Variants in SNX8 observed in about 807,000 individuals in gnomAD.
The protein encoded by SNX8 is sorting nexin-8.
SNX8 carries 25 observed loss-of-function variants against 51.6 expected under a neutral mutation model. The observed-to-expected ratio is 0.48, with a 90% CI of 0.35 to 0.68. SNX8 has a LOEUF of 0.68. SNX8 is among the 30% of genes least tolerant of loss of function. SNX8 has a pLI of 0.00. For synonymous variants in SNX8, 324 were observed against 277.0 expected (o/e 1.17, Z -1.68); for missense variants, 695 against 624.0 (o/e 1.11, Z -1.21).
intron 1 of SNX8, among the ~76,000 whole-genome samples, chr7:2,293,233 G>A (rs1401575925): frequency 6.8e-6 from 1 of 147,626 alleles, no homozygotes; most frequent in African/African-American, 2.5e-5. Flanking sequence ...ACCCACCTCG[G>A]CCTCCCAAAG....
chr7:2,298,154 G>A (rs1796313575), intron 1 of SNX8, among the ~76,000 whole-genome samples: 1 of 151,946 alleles, frequency 6.6e-6, no homozygotes, highest in Non-Finnish European at 1.5e-5. Flanking sequence ...TGTCGTGCAG[G>A]CTGGAGTACA....
At chr7:2,330,449 C>T (rs1440337723) in intron 1 of SNX8, among the ~76,000 whole-genome samples, 3 of 152,000 alleles carry the variant, frequency 2.0e-5, no homozygotes, top group African/African-American at 7.3e-5. Flanking sequence ...TTTGCAATAT[C>T]CTTTCTAATA....
intron 1 of SNX8, among the ~76,000 whole-genome samples, chr7:2,300,293 T>C (rs780223741): frequency 7.2e-5 from 11 of 152,326 alleles, no homozygotes; most frequent in Non-Finnish European, 1.6e-4. Context: ...AAGAAGTGAT[T>C]TGTTTTTTCA....
intron 1 of SNX8, among the ~76,000 whole-genome samples, chr7:2,351,787 C>T (rs1008100829): frequency 7.3e-5 from 11 of 151,426 alleles, no homozygotes; most frequent in Non-Finnish European, 1.3e-4. Flanking sequence ...TCCGAGATAG[C>T]ACCACTGCAC....
chr7:2,298,750 G>A (rs987579602), intron 1 of SNX8, among the ~76,000 whole-genome samples: 4 of 151,598 alleles, frequency 2.6e-5, no homozygotes, highest in Non-Finnish European at 5.9e-5. Context: ...GGAGTGCAGT[G>A]GCACGATCTC....
At chr7:2,337,654 C>T (rs1210829767) in intron 1 of SNX8, among the ~76,000 whole-genome samples, 2 of 151,672 alleles carry the variant, frequency 1.3e-5, no homozygotes, top group African/African-American at 2.4e-5. Context: ...TGGAGGGAAA[C>T]GTATAATCTG....
intron 1 of SNX8, among the ~76,000 whole-genome samples, chr7:2,350,808 G>A (rs993646273): frequency 7.2e-5 from 11 of 151,782 alleles, no homozygotes; most frequent in Middle Eastern, 3.4e-3. Context: ...GGCCACACCC[G>A]GCTAAATTTT....
chr7:2,327,921 G>A (rs1056433763), intron 1 of SNX8, among the ~76,000 whole-genome samples: 4 of 151,972 alleles, frequency 2.6e-5, no homozygotes, highest in Non-Finnish European at 5.9e-5. Flanking sequence ...GGAGTGCAGC[G>A]GCACGATCAT....
chr7:2,344,276 G>C (rs949093813), intron 1 of SNX8, among the ~76,000 whole-genome samples: 1 of 151,652 alleles, frequency 6.6e-6, no homozygotes. Flanking sequence ...GAGCTCAGGA[G>C]TTCAAGATCA....
At chr7:2,275,313 G>C in intron 2 of SNX8, 84 bp from the exon 3 acceptor site, 1 of 895,678 alleles carries the variant, frequency 1.1e-6, no homozygotes, top group Non-Finnish European at 1.9e-6. Context: ...CCGGGAAAAC[G>C]ACAGCACCAA....
upstream of SNX8, among the ~76,000 whole-genome samples, chr7:2,317,756 G>T (rs1472712376): frequency 6.6e-6 from 1 of 152,046 alleles, no homozygotes; most frequent in East Asian, 1.9e-4. Flanking sequence ...ACGCCATAGG[G>T]TCCCCGCACA....
Position 2,278,301 on chromosome 7 carries a change from C to G in SNX8, c.99G>C (p.Leu33=). The part of the protein sequence containing the change: ...DEEADPPASD[L]PTPQAIEPQA... ...GGGGCTCGATGGCCTGGGGTGTCGG[C>G]AGATCTGCAGGGGAGATGGTGAATG... The change falls in exon 2 of 11, where the codon CTG becomes CTC. Residue 33 remains leucine (L), a synonymous_variant. Coordinates refer to ENST00000222990, the MANE Select transcript of SNX8 (RefSeq NM_013321.4). 1 of 1,547,556 alleles carries G rather than the reference C, an allele frequency of 6.5e-7. No individual in the cohort carries two copies. The highest frequency in any genetic ancestry group is 8.8e-7 in the Non-Finnish European group (1 of 1,130,948).
chr7:2,313,239 C>A (rs963286232), intron 1 of SNX8, among the ~76,000 whole-genome samples: 1 of 151,812 alleles, frequency 6.6e-6, no homozygotes, highest in African/African-American at 2.4e-5. Context: ...AAGAGAAATA[C>A]AAGAGGCCAG....
intron 7 of SNX8, 85 bp downstream of exon 7, chr7:2,263,145 A>T (rs1463278191): frequency 1.7e-5 from 25 of 1,463,256 alleles, no homozygotes; most frequent in Non-Finnish European, 1.8e-5. Context: ...ACGAACTGTG[A>T]CGCCCATCTA....
Position 2,256,970 on chromosome 7 carries a change from G to A in SNX8, c.1188C>T (p.Cys396=), listed in dbSNP as rs1411091481. ...MELRNYFSLY[C]LHQETQLIHV... is the part of the protein sequence containing the mutation. ...GGATGAGCTGCGTCTCCTGGTGCAG[G>A]CAGTACAGGGAGAAGTAGTTCCGCA... The change falls in exon 10 of 11, where the codon TGC becomes TGT. Residue 396 remains cysteine, a synonymous_variant. Transcript: ENST00000222990. 2 of 1,613,564 alleles carry A rather than the reference G, an allele frequency of 1.2e-6. No homozygotes were observed. The highest frequency in any genetic ancestry group is 1.7e-6 in the Non-Finnish European group (2 of 1,179,832).
At chr7:2,298,913 G>A (rs943041858) in intron 1 of SNX8, among the ~76,000 whole-genome samples, 1 of 151,992 alleles carries the variant, frequency 6.6e-6, no homozygotes, top group African/African-American at 2.4e-5. Context: ...GGCTGGTCTC[G>A]AACTCCTGAC....
chr7:2,288,925 T>A (rs952169579), intron 1 of SNX8, among the ~76,000 whole-genome samples: 1 of 152,106 alleles, frequency 6.6e-6, no homozygotes, highest in Admixed American at 6.6e-5. Flanking sequence ...TTTGTAGAGA[T>A]GAGGTTTCCC....
rs1051772119 is a variant in SNX8, at chr7:2,255,001, C to T, written c.*55G>A. On this transcript the variant is annotated 3_prime_UTR_variant, in exon 11 of 11. Transcript: ENST00000222990. ...CAAAGGGAATTACACCGGGACACAC[C>T]GTTTGGAAAGAGGTTTTAGTGCGGC... 9 of 1,173,148 alleles carry T rather than the reference C, an allele frequency of 7.7e-6. No individual in the cohort carries two copies. The South Asian group carries it at 7.8e-5, about 10-fold the overall frequency. 72.7% of individuals were successfully genotyped at this position (1,173,148 alleles called of 1,614,324 possible). A position where few individuals can be genotyped will look rare whatever the true frequency, so the allele number is the denominator to read the frequency against.
chr7:2,281,924 G>A (rs1278809681), intron 1 of SNX8, among the ~76,000 whole-genome samples: 2 of 152,094 alleles, frequency 1.3e-5, no homozygotes, highest in Non-Finnish European at 2.9e-5. Flanking sequence ...TCGAACGACA[G>A]CCCCTCCCCA....
Sources: gnomAD v4.1 joint callset for allele counts (sites outside exome capture counted in the v4.1 genomes callset) on GRCh38, gnomAD v4.1.1 for gene constraint, MANE v1.5 for transcripts, NCBI Gene and HGNC (gene_info 2026-07-23, HGNC 2026-07-21) for gene names.